RAF1: variants seen among roughly 807,000 people sequenced by gnomAD.
RAF1 encodes Raf-1 proto-oncogene, serine/threonine kinase.
A neutral mutation model predicts 81.1 loss-of-function variants in RAF1; 27 were observed. That is an observed-to-expected ratio of 0.33 (90% CI 0.25 to 0.46). RAF1 has a LOEUF of 0.46. RAF1 is among the 20% of genes least tolerant of loss of function. The pLI is 1.00. For missense variants in RAF1, 598 were observed against 826.0 expected, an observed-to-expected ratio of 0.72 and a Z score of 3.38; for synonymous variants, 298 against 294.0, an observed-to-expected ratio of 1.01 and a Z score of -0.14.
At chr3:12,621,830 G>T (rs2059565017) in intron 1 of RAF1, among the ~76,000 whole-genome samples, 1 of 152,140 alleles carries the variant, frequency 6.6e-6, no homozygotes, top group East Asian at 1.9e-4. Context: ...AACAAAAAAT[G>T]AACAAGTCTG....
At chr3:12,637,394 T>C (rs761993427) in intron 1 of RAF1, among the ~76,000 whole-genome samples, 1 of 151,730 alleles carries the variant, frequency 6.6e-6, no homozygotes, top group Non-Finnish European at 1.5e-5. Flanking sequence ...GCCTCCCCAG[T>C]AGCGGGGACT....
intron 1 of RAF1, among the ~76,000 whole-genome samples, chr3:12,622,059 G>A (rs967808368): frequency 6.6e-6 from 1 of 152,058 alleles, no homozygotes; most frequent in East Asian, 1.9e-4. Flanking sequence ...ACAAGATCTC[G>A]CTGCCTCCTG....
intron 8 of RAF1, among the ~76,000 whole-genome samples, chr3:12,600,695 GGGATTAC>G: frequency 6.6e-6 from 1 of 152,188 alleles, no homozygotes; most frequent in Non-Finnish European, 1.5e-5. Context: ...CCGAGTAGCT[GGGATTAC>G]AGGTGTGCAC....
chr3:12,633,751 T>C (rs1481384941), intron 1 of RAF1, among the ~76,000 whole-genome samples: 1 of 151,438 alleles, frequency 6.6e-6, no homozygotes, highest in Non-Finnish European at 1.5e-5. Context: ...CTGGCCAACA[T>C]GGTGAAACCC....
At chr3:12,612,835 T>C (rs1454768916) in intron 2 of RAF1, among the ~76,000 whole-genome samples, 3 of 152,166 alleles carry the variant, frequency 2.0e-5, no homozygotes, top group African/African-American at 7.2e-5. Context: ...CACATATATG[T>C]TCACTAGATT....
intron 1 of RAF1, among the ~76,000 whole-genome samples, chr3:12,628,030 T>A (rs1352699503): frequency 6.6e-6 from 1 of 151,916 alleles, no homozygotes; most frequent in Non-Finnish European, 1.5e-5. Flanking sequence ...TGAGGCAGGA[T>A]AATCGCTTGA....
chr3:12,611,331 C>A (rs545438085), intron 3 of RAF1, among the ~76,000 whole-genome samples: 1 of 151,996 alleles, frequency 6.6e-6, no homozygotes, highest in Non-Finnish European at 1.5e-5. Flanking sequence ...AATATTCTCA[C>A]GTCAGCCTTT....
At position 12,583,786 on chromosome 3, in the gene RAF1, A is replaced by T. The variant is rs1002032429; in HGVS notation, c.*728T>A. 8.6e-6 allele frequency: 2 copies of T among 232,640 alleles called. No homozygotes were observed. The highest frequency in any genetic ancestry group is 4.4e-5 in the African/African-American group (2 of 45,280). 14.4% of individuals were successfully genotyped at this position (232,640 alleles called of 1,614,324 possible). A position where few individuals can be genotyped will look rare whatever the true frequency, so the allele number is the denominator to read the frequency against. On this transcript the variant is annotated 3_prime_UTR_variant, in exon 18 of 18. Transcript: ENST00000442415. Reference sequence around the variant, plus strand: ...AAGGCTGTTTGTTTGTTTGTTTGTTAGAGAAACAAGGCTGGCCCTGCGGCC... The same window carrying T: ...AAGGCTGTTTGTTTGTTTGTTTGTTTGAGAAACAAGGCTGGCCCTGCGGCC...
chr3:12,593,240 C>T (rs1264653758), intron 11 of RAF1, among the ~76,000 whole-genome samples: 1 of 151,906 alleles, frequency 6.6e-6, no homozygotes, highest in African/African-American at 2.4e-5. Flanking sequence ...CCACCATGCC[C>T]AACTAATTTT....
Position 12,663,923 on chromosome 3 carries a change from C to G in RAF1, c.-137G>C. On this transcript the variant is annotated 5_prime_UTR_variant, in exon 1 of 18. Transcript: ENST00000442415. ...GGAGGCGGTCACATTCGGCGCGTCC[C>G]CAGCCCAGGGGACGGAGCCCCGAGC... 1 of 398,306 alleles carries G rather than the reference C, an allele frequency of 2.5e-6. No individual in the cohort carries two copies. Among genetic ancestry groups the G allele is most frequent in the Non-Finnish European group, 4.4e-6 (1 of 225,810 alleles). 24.7% of individuals were successfully genotyped at this position (398,306 alleles called of 1,614,324 possible).
intron 3 of RAF1, 102 bp from the exon 4 acceptor site, chr3:12,609,437 T>G: frequency 2.6e-6 from 2 of 758,798 alleles, no homozygotes; most frequent in Non-Finnish European, 4.7e-6. Flanking sequence ...AACACAACTT[T>G]ATTTAATCCA....
intron 1 of RAF1, among the ~76,000 whole-genome samples, chr3:12,626,714 T>G (rs879683691): frequency 6.6e-6 from 1 of 152,088 alleles, no homozygotes; most frequent in Non-Finnish European, 1.5e-5. Context: ...ATAAAGTTTT[T>G]TTTGTTGTTG....
chr3:12,642,895 A>G (rs1455198475), intron 1 of RAF1, among the ~76,000 whole-genome samples: 1 of 152,010 alleles, frequency 6.6e-6, no homozygotes, highest in Non-Finnish European at 1.5e-5. Flanking sequence ...TCAGAAAAAA[A>G]AAAAAGAAAA....
intron 1 of RAF1, among the ~76,000 whole-genome samples, chr3:12,631,982 AC>A (rs2059875296): frequency 6.6e-6 from 1 of 152,144 alleles, no homozygotes; most frequent in Non-Finnish European, 1.5e-5. Context: ...CAATCCAAAT[AC>A]TGTATCACAA....
chr3:12,632,023 T>G (rs1190131272), intron 1 of RAF1, among the ~76,000 whole-genome samples: 1 of 152,170 alleles, frequency 6.6e-6, no homozygotes, highest in African/African-American at 2.4e-5. Flanking sequence ...TTTTAAATGT[T>G]TGATAATAAA....
intron 1 of RAF1, among the ~76,000 whole-genome samples, chr3:12,657,095 G>A (rs1221379447): frequency 6.6e-6 from 1 of 151,938 alleles, no homozygotes; most frequent in Non-Finnish European, 1.5e-5. Context: ...GCCTTATGCT[G>A]CACCAAGTGC....
At chr3:12,657,595 A>C (rs2060737406) in intron 1 of RAF1, among the ~76,000 whole-genome samples, 1 of 152,012 alleles carries the variant, frequency 6.6e-6, no homozygotes, top group Non-Finnish European at 1.5e-5. Flanking sequence ...ATCATGGAGA[A>C]ACCCCATCTC....
intron 1 of RAF1, among the ~76,000 whole-genome samples, chr3:12,636,468 C>A (rs2060035605): frequency 7.0e-6 from 1 of 143,472 alleles, no homozygotes; most frequent in Non-Finnish European, 1.5e-5. Flanking sequence ...TGATTGATTA[C>A]ATTAAAATGC....
chr3:12,663,327 T>G (rs2060942160), intron 1 of RAF1, among the ~76,000 whole-genome samples: 1 of 152,212 alleles, frequency 6.6e-6, no homozygotes, highest in African/African-American at 2.4e-5. Flanking sequence ...GAGGCCCCTG[T>G]GCCTTTGTGG....
Sources: gnomAD v4.1 joint callset for allele counts (sites outside exome capture counted in the v4.1 genomes callset) on GRCh38, gnomAD v4.1.1 for gene constraint, MANE v1.5 for transcripts, NCBI Gene and HGNC (gene_info 2026-07-23, HGNC 2026-07-21) for gene names.